The following TAC4 variants were observed in gnomAD, a reference collection of about 807,000 sequenced individuals.
TAC4 encodes the protein tachykinin-4.
TAC4 carries 17 observed loss-of-function variants against 17.7 expected under a neutral mutation model. The observed-to-expected ratio is 0.96, with a 90% CI of 0.66 to 1.44. TAC4 has a LOEUF of 1.44. Ranked by LOEUF, TAC4 falls within the 40% of genes most tolerant of loss-of-function variation. TAC4 has a pLI of 0.00. For synonymous variants in TAC4, 62 were observed against 52.4 expected (o/e 1.18, Z -0.79); for missense variants, 118 against 125.6 (o/e 0.94, Z 0.29).
At chr17:49,847,083 C>G in intron 1 of TAC4, 1 of 1,290,028 alleles carries the variant, frequency 7.8e-7, no homozygotes, top group Non-Finnish European at 1.0e-6. Context: ...CTTCCCGTGG[C>G]TCCATTTCTA....
At chr17:49,843,029 A>C (rs1356220107) in intron 2 of TAC4, among the ~76,000 whole-genome samples, 1 of 152,160 alleles carries the variant, frequency 6.6e-6, no homozygotes, top group Non-Finnish European at 1.5e-5. Context: ...GTTATTTCCG[A>C]ATTCTTGCTA....
At chr17:49,841,995 C>G (rs2074502040) in intron 2 of TAC4, among the ~76,000 whole-genome samples, 1 of 149,866 alleles carries the variant, frequency 6.7e-6, no homozygotes, top group Non-Finnish European at 1.5e-5. Flanking sequence ...GCTCCGCCTC[C>G]CAGGTTCACG....
intron 4 of TAC4, among the ~76,000 whole-genome samples, chr17:49,839,054 C>T (rs112361308): frequency 0.02 from 3,106 of 152,242 alleles, 52 homozygotes; most frequent in Middle Eastern, 0.12. Context: ...ATGACTGACT[C>T]CTAGTATTCC....
At chr17:49,841,017 C>A (rs1362995206) in intron 3 of TAC4, among the ~76,000 whole-genome samples, 1 of 149,374 alleles carries the variant, frequency 6.7e-6, no homozygotes, top group African/African-American at 2.5e-5. Flanking sequence ...GTAGCTGGGA[C>A]CACAGGCACC....
intron 1 of TAC4, chr17:49,846,124 G>T (rs2074536609): frequency 2.0e-6 from 2 of 1,023,898 alleles, no homozygotes; most frequent in Admixed American, 5.5e-5. Flanking sequence ...GGAGACATTG[G>T]TTTCCCATTC....
At position 49,840,866 on chromosome 17, in the gene TAC4, T is replaced by C. The variant is rs1184105990; in HGVS notation, c.232+686A>G. Among the ~76,000 whole-genome samples, 5 of 150,562 alleles carry C rather than the reference T, an allele frequency of 3.3e-5. No individual in the cohort carries two copies. The East Asian group carries it at 5.9e-4, about 18-fold the overall frequency. On this transcript the variant is annotated intron_variant, in intron 3 of 4. Transcript: ENST00000436235. ...TTTTCACTGAAAGATTTAAGCAGAG[T>C]AGTGGCTTCTTAGATTTGTACTTTT...
rs2144062617 is a variant in TAC4, at chr17:49,848,019, G to C, written c.-2C>G. ...AAGCAGGGCGAGGCAAGGCAGCATG[G>C]TGAGCCTGCACTGTCCTGGAATCTC... On this transcript the variant is annotated 5_prime_UTR_variant, in exon 1 of 5. Coordinates refer to ENST00000436235, the MANE Select transcript of TAC4 (RefSeq NM_001077506.2). 3 of 1,614,072 alleles carry C rather than the reference G, an allele frequency of 1.9e-6. No individual in the cohort carries two copies. Among genetic ancestry groups the C allele is most frequent in the Non-Finnish European group, 2.5e-6 (3 of 1,180,004 alleles).
chr17:49,841,555 T>G lies in TAC4; in HGVS notation c.229A>C (p.Lys77Gln). 1 of 1,581,994 alleles carries G rather than the reference T, an allele frequency of 6.3e-7. No individual in the cohort carries two copies. Among genetic ancestry groups the G allele is most frequent in the South Asian group, 1.1e-5 (1 of 87,072 alleles). Residue 77 changes from lysine to glutamine, a missense_variant, in exon 3 of 5, where the codon AAA becomes CAA. By Grantham distance (53) the Lys-to-Gln change is moderately conservative. Coordinates refer to ENST00000436235, the MANE Select transcript of TAC4 (RefSeq NM_001077506.2). ...GRPLIQPRRK[K>Q]AYQLEHTFQG... ...GGCAGGTTTGGGCAATACTTACCTT[T>G]TTTTCTCCTTGGCTGGATCAGAGGT... is the stretch of plus-strand genomic sequence containing the variant.
At chr17:49,844,583 C>T (rs1046115292) in intron 1 of TAC4, among the ~76,000 whole-genome samples, 3 of 152,058 alleles carry the variant, frequency 2.0e-5, no homozygotes, top group Non-Finnish European at 4.4e-5. Flanking sequence ...CATGGTGAAA[C>T]CCCGTCTCTA....
At chr17:49,846,205 A>T (rs530178010) in intron 1 of TAC4, 9 of 1,288,822 alleles carry the variant, frequency 7.0e-6, no homozygotes, top group South Asian at 6.2e-5. Context: ...AACTCCAGGG[A>T]TGACTACAGG....
At chr17:49,841,823 C>T (rs1354163710) in intron 2 of TAC4, among the ~76,000 whole-genome samples, 3 of 151,288 alleles carry the variant, frequency 2.0e-5, no homozygotes, top group African/African-American at 7.3e-5. Flanking sequence ...GGTGGGCATC[C>T]TTGGGAAAAG....
At chr17:49,841,967 G>A (rs1416242088) in intron 2 of TAC4, among the ~76,000 whole-genome samples, 3 of 142,384 alleles carry the variant, frequency 2.1e-5, no homozygotes, top group African/African-American at 5.3e-5. Context: ...GCAGTGGTGC[G>A]ATCTCGGCTC....
chr17:49,847,929 G>A lies in TAC4; in HGVS notation c.89C>T (p.Thr30Ile), dbSNP rs2074557939. 1.2e-6 allele frequency: 2 copies of A among 1,614,130 alleles called. No homozygotes were observed. The highest frequency in any genetic ancestry group is 2.7e-5 in the African/African-American group (2 of 75,044). ...CACAATTACCCAGGTCTCTGCTTCA[G>A]TGCTGAGTGTCTGTTCCTCTCCACC... is the stretch of plus-strand genomic sequence containing the variant. ...GDGGEEQTLS[T>I]EAETWEGAGP... Residue 30 changes from threonine (T) to isoleucine (I), a missense_variant, in exon 1 of 5, where the codon ACT becomes ATT. By Grantham distance (89) the Thr-to-Ile change is moderately conservative. Transcript: ENST00000436235.
intron 1 of TAC4, among the ~76,000 whole-genome samples, chr17:49,845,005 G>A (rs1283326955): frequency 1.3e-5 from 2 of 152,214 alleles, no homozygotes; most frequent in African/African-American, 4.8e-5. Context: ...AAGATTCAAA[G>A]TCTGACTTCA....
chr17:49,841,228 T>C (rs2074495371), intron 3 of TAC4, among the ~76,000 whole-genome samples: 1 of 151,432 alleles, frequency 6.6e-6, no homozygotes, highest in African/African-American at 2.4e-5. Context: ...TAAGCACTCT[T>C]ATCTCTAGTG....
chr17:49,844,283 G>C (rs2074520549), intron 1 of TAC4, 126 bp from the exon 2 acceptor site: 1 of 761,382 alleles, frequency 1.3e-6, no homozygotes, highest in African/African-American at 1.7e-5. Flanking sequence ...CACTGGCACT[G>C]GGCACCTCAG....
At chr17:49,839,771 C>A in intron 4 of TAC4, 79 bp downstream of exon 4, 1 of 1,366,122 alleles carries the variant, frequency 7.3e-7, no homozygotes, top group Non-Finnish European at 1.0e-6. Context: ...GCTGCCCAGC[C>A]CCCATCTTGC....
intron 2 of TAC4, among the ~76,000 whole-genome samples, chr17:49,842,050 C>A (rs962073706): frequency 2.0e-5 from 3 of 151,176 alleles, no homozygotes; most frequent in African/African-American, 7.3e-5. Context: ...ACTACAGGCG[C>A]CCGCCACCAC....
At position 49,845,326 on chromosome 17, in the gene TAC4, G is replaced by T. The variant is rs1415011270; in HGVS notation, c.106-1169C>A. 2.0e-5 allele frequency among the ~76,000 whole-genome samples: 3 copies of T among 152,210 alleles called. No homozygotes were observed. The East Asian group carries it at 5.8e-4, about 29-fold the overall frequency. ...GATTGACATTCTCATTCTTCCATTA[G>T]CCTCTGTGACCTTGGCCAAAGCCTT... On this transcript the variant is annotated intron_variant, in intron 1 of 4. Transcript: ENST00000436235.
Sources: gnomAD v4.1 joint callset for allele counts (sites outside exome capture counted in the v4.1 genomes callset) on GRCh38, gnomAD v4.1.1 for gene constraint, MANE v1.5 for transcripts, NCBI Gene and HGNC (gene_info 2026-07-23, HGNC 2026-07-21) for gene names.